Variants in DNM3 observed in about 807,000 individuals in gnomAD.
The protein encoded by DNM3 is dynamin-3.
In DNM3, 47 loss-of-function variants were observed where a neutral mutation model predicts 101.6. That is an observed-to-expected ratio of 0.46 (90% CI 0.37 to 0.59). DNM3 has a LOEUF of 0.59. DNM3 is among the 20% of genes least tolerant of loss of function. DNM3 has a pLI of 0.00. For synonymous variants in DNM3, 385 were observed against 387.9 expected, an observed-to-expected ratio of 0.99 and a Z score of 0.09; for missense variants, 849 against 1,085.7, an observed-to-expected ratio of 0.78 and a Z score of 3.06.
intron 14 of DNM3, among the ~76,000 whole-genome samples, chr1:172,226,496 G>GA (rs2061127681): frequency 6.6e-6 from 1 of 152,182 alleles, no homozygotes; most frequent in African/African-American, 2.4e-5. Context: ...ATGCACAGAT[G>GA]AAAGGAAGCA....
At chr1:171,880,081 A>G (rs989619136) in intron 1 of DNM3, among the ~76,000 whole-genome samples, 3 of 152,222 alleles carry the variant, frequency 2.0e-5, no homozygotes, top group Admixed American at 6.6e-5. Context: ...TCTGCAGTGT[A>G]AGAAGGCAAA....
intron 17 of DNM3, among the ~76,000 whole-genome samples, chr1:172,368,230 A>T (rs2068131374): frequency 6.6e-6 from 1 of 151,926 alleles, no homozygotes; most frequent in African/African-American, 2.4e-5. Context: ...TAGGCTACAA[A>T]ACAAGTCTCA....
chr1:172,001,790 AT>A (rs1209096089), intron 4 of DNM3, among the ~76,000 whole-genome samples: 1 of 151,960 alleles, frequency 6.6e-6, no homozygotes, highest in Non-Finnish European at 1.5e-5. Flanking sequence ...AATTCATCTT[AT>A]GGGGGTGTGT....
chr1:172,143,812 G>C (rs920631213), intron 14 of DNM3, among the ~76,000 whole-genome samples: 11 of 152,164 alleles, frequency 7.2e-5, no homozygotes, highest in African/African-American at 2.6e-4. Flanking sequence ...GTTGTGGGTC[G>C]GTGCTCTTCT....
At chr1:171,983,252 C>T (rs28666864) in intron 2 of DNM3, among the ~76,000 whole-genome samples, 2 of 151,708 alleles carry the variant, frequency 1.3e-5, no homozygotes, top group East Asian at 1.9e-4. Flanking sequence ...GCCAAGAGGT[C>T]GAGACCAGCC....
chr1:172,178,586 T>A (rs1338441330), intron 14 of DNM3, among the ~76,000 whole-genome samples: 3 of 151,538 alleles, frequency 2.0e-5, no homozygotes, highest in Non-Finnish European at 4.4e-5. Context: ...AGTAAGATAG[T>A]GCATGCCGTG....
chr1:172,253,378 C>A (rs999724598), intron 14 of DNM3, among the ~76,000 whole-genome samples, 195 bp from the exon 15 acceptor site: 2 of 151,968 alleles, frequency 1.3e-5, no homozygotes, highest in African/African-American at 4.8e-5. Context: ...TAGCTGGTAT[C>A]AAAATGGCAT....
At chr1:172,349,961 A>C (rs1174339688) in intron 17 of DNM3, among the ~76,000 whole-genome samples, 1 of 152,214 alleles carries the variant, frequency 6.6e-6, no homozygotes, top group Non-Finnish European at 1.5e-5. Flanking sequence ...TGCTAAGGCC[A>C]GAAGAAGCAG....
intron 7 of DNM3, among the ~76,000 whole-genome samples, chr1:172,038,990 A>C (rs2049166594): frequency 6.6e-6 from 1 of 152,056 alleles, no homozygotes; most frequent in Non-Finnish European, 1.5e-5. Flanking sequence ...GAAAATGTAA[A>C]TGTGAAACTG....
At chr1:172,202,504 T>C (rs964301457) in intron 14 of DNM3, among the ~76,000 whole-genome samples, 20 of 152,308 alleles carry the variant, frequency 1.3e-4, no homozygotes, top group African/African-American at 4.3e-4. Flanking sequence ...ATATATACTT[T>C]TGATATGATA....
At chr1:172,227,071 TCTGAGTCTCCAATGTCCATTATA>T (rs2061152482) in intron 14 of DNM3, among the ~76,000 whole-genome samples, 1 of 151,550 alleles carries the variant, frequency 6.6e-6, no homozygotes, top group African/African-American at 2.4e-5. Context: ...TCTCCCCCTC[TCTGAGTCTCCAATGTCCATTATA>T]CCACTTTGTA....
Position 172,409,102 on chromosome 1 carries a change from C to A in DNM3, c.*1261C>A. The stretch of plus-strand genomic sequence containing the variant: ...GGGGGTTAATAGTTAAGTCTTGAGG[C>A]TAAGTTTTGGACTACCAAGGACCAG... On this transcript the variant is annotated 3_prime_UTR_variant, in exon 21 of 21. Coordinates refer to ENST00000627582, the MANE Select transcript of DNM3 (RefSeq NM_015569.5). 2.0e-6 allele frequency: 2 copies of A among 985,336 alleles called. No homozygotes were observed. The highest frequency in any genetic ancestry group is 2.4e-6 in the Non-Finnish European group (2 of 829,890). The allele number at this position is 985,336 out of a possible 1,614,324, so 61.0% of individuals were successfully genotyped here. A position where few individuals can be genotyped will look rare whatever the true frequency, so the allele number is the denominator to read the frequency against.
At chr1:172,262,295 T>G (rs1417223979) in intron 15 of DNM3, among the ~76,000 whole-genome samples, 1 of 152,096 alleles carries the variant, frequency 6.6e-6, no homozygotes, top group East Asian at 1.9e-4. Context: ...GTAGGTATGA[T>G]GGGCATGGGA....
chr1:172,408,304 A>G lies in DNM3; in HGVS notation c.*463A>G, dbSNP rs1258047648. On this transcript the variant is annotated 3_prime_UTR_variant, in exon 21 of 21. Coordinates refer to ENST00000627582, the MANE Select transcript of DNM3 (RefSeq NM_015569.5). ...CCATTAATGCTACTACCTACTCCAT[A>G]ATTGCCTATTTAGCTCCTCTTTTCT... The G allele has an allele frequency of 2.0e-6, 2 of 986,792 alleles. No individual in the cohort carries two copies. The highest frequency in any genetic ancestry group is 2.4e-6 in the Non-Finnish European group (2 of 830,918). 61.1% of individuals were successfully genotyped at this position (986,792 alleles called of 1,614,324 possible).
intron 2 of DNM3, among the ~76,000 whole-genome samples, chr1:171,931,922 T>C (rs2041037044): frequency 6.6e-6 from 1 of 152,214 alleles, no homozygotes; most frequent in African/African-American, 2.4e-5. Context: ...AGGGAATAAC[T>C]GATACCTTAA....
At chr1:172,063,375 T>C (rs969951551) in intron 10 of DNM3, among the ~76,000 whole-genome samples, 7 of 152,096 alleles carry the variant, frequency 4.6e-5, no homozygotes, top group African/African-American at 1.7e-4. Context: ...CAAGTGTTTT[T>C]TTTTTTCTCT....
chr1:172,007,021 C>G (rs1438821031), intron 4 of DNM3, among the ~76,000 whole-genome samples: 1 of 152,042 alleles, frequency 6.6e-6, no homozygotes, highest in Non-Finnish European at 1.5e-5. Context: ...AATTGTAACT[C>G]ATTCTGTGAA....
intron 1 of DNM3, among the ~76,000 whole-genome samples, chr1:171,906,014 T>G (rs768680854): frequency 2.0e-5 from 3 of 152,174 alleles, no homozygotes; most frequent in Non-Finnish European, 2.9e-5. Context: ...GTTACTAGAT[T>G]GTTTAGCCTC....
At chr1:171,910,511 G>A (rs1054364206) in intron 1 of DNM3, among the ~76,000 whole-genome samples, 1 of 152,190 alleles carries the variant, frequency 6.6e-6, no homozygotes, top group African/African-American at 2.4e-5. Context: ...ATCCCCTGCA[G>A]GTAAGGGGGA....
Sources: allele counts gnomAD v4.1 joint callset (sites outside exome capture counted in the v4.1 genomes callset), GRCh38; gene constraint gnomAD v4.1.1; transcripts MANE v1.5; gene names NCBI Gene and HGNC (gene_info 2026-07-23, HGNC 2026-07-21).